UTS2B: variants seen among roughly 807,000 people sequenced by gnomAD.
The protein encoded by UTS2B is urotensin 2B, also known as urotensin-2B.
UTS2B carries 21 observed loss-of-function variants against 19.2 expected under a neutral mutation model. The ratio of observed to expected loss-of-function variants is 1.09; its 90% CI spans 0.78 to 1.58. The LOEUF (loss-of-function observed/expected upper bound fraction) is 1.58. Ranked by LOEUF, UTS2B falls within the 40% of genes most tolerant of loss-of-function variation. The pLI, the probability that UTS2B is intolerant of heterozygous loss-of-function variation, is 0.00. For missense variants in UTS2B, 138 were observed against 130.3 expected, an observed-to-expected ratio of 1.06 and a Z score of -0.29; for synonymous variants, 57 against 50.2, an observed-to-expected ratio of 1.14 and a Z score of -0.58.
At chr3:191,283,417 T>C (rs978846800) in intron 4 of UTS2B, among the ~76,000 whole-genome samples, 2 of 152,198 alleles carry the variant, frequency 1.3e-5, no homozygotes, top group African/African-American at 4.8e-5. Context: ...CTTTTGGATC[T>C]TTTTTCTACT....
intron 3 of UTS2B, among the ~76,000 whole-genome samples, chr3:191,306,892 A>T (rs1717155543): frequency 6.6e-6 from 1 of 152,156 alleles, no homozygotes; most frequent in Non-Finnish European, 1.5e-5. Context: ...TCAGCCTCCC[A>T]AAGTGCTGGG....
intron 4 of UTS2B, among the ~76,000 whole-genome samples, chr3:191,296,272 CACAT>C (rs1477134116): frequency 1.1e-5 from 1 of 94,828 alleles, no homozygotes; most frequent in Non-Finnish European, 2.5e-5. Context: ...CTCACACACA[CACAT>C]ACACACACAT....
Position 191,323,179 on chromosome 3 carries a change from C to T in UTS2B, c.-586+5452G>A, listed in dbSNP as rs758628693. 7.1e-4 allele frequency among the ~76,000 whole-genome samples: 82 copies of T among 114,838 alleles called. 1 individual carries two copies. The highest frequency in any genetic ancestry group is 1.6e-4 in the Non-Finnish European group (9 of 57,560). The allele number at this position is 114,838 out of a possible 152,430, so 75.3% of individuals were successfully genotyped here. On this transcript the variant is annotated intron_variant, in intron 2 of 8. Coordinates refer to ENST00000340524, the MANE Select transcript of UTS2B (RefSeq NM_198152.5). The stretch of plus-strand genomic sequence containing the variant: ...TTTATTTATTTTTGAGACAGACTCT[C>T]GCTGTCGCCCAGGCTAGAGTGCAGT...
chr3:191,298,832 A>G (rs1001997112), intron 4 of UTS2B, among the ~76,000 whole-genome samples: 2 of 152,236 alleles, frequency 1.3e-5, no homozygotes, highest in African/African-American at 4.8e-5. Context: ...TGATAATGAT[A>G]TCGACAGTGA....
At chr3:191,336,131 T>G in the UTS2B span, among the ~76,000 whole-genome samples, 1 of 151,402 alleles carries the variant, frequency 6.6e-6, no homozygotes, top group Non-Finnish European at 1.5e-5. Flanking sequence ...TGTGTACAAG[T>G]GTTTTTTTTT....
intron 4 of UTS2B, among the ~76,000 whole-genome samples, chr3:191,285,985 A>G (rs114824559): frequency 6.6e-6 from 1 of 152,182 alleles, no homozygotes; most frequent in Non-Finnish European, 1.5e-5. Context: ...AGTTAAGCTT[A>G]TATCAGATAA....
intron 3 of UTS2B, among the ~76,000 whole-genome samples, chr3:191,307,147 G>T (rs545474629): frequency 1.3e-5 from 2 of 152,186 alleles, no homozygotes; most frequent in Non-Finnish European, 2.9e-5. Context: ...TGAATGCCTA[G>T]ACAGGCTCTG....
At chr3:191,270,980 C>A (rs974117282) in intron 8 of UTS2B, among the ~76,000 whole-genome samples, 49 of 151,914 alleles carry the variant, frequency 3.2e-4, no homozygotes, top group African/African-American at 1.2e-3. Flanking sequence ...ACGAGGCTGG[C>A]AGACATGAGG....
At chr3:191,345,834 G>A in the UTS2B span, among the ~76,000 whole-genome samples, 31 of 152,184 alleles carry the variant, frequency 2.0e-4, no homozygotes, top group African/African-American at 7.2e-4. Flanking sequence ...ATTCTTCGCA[G>A]TGTGTTTGTT....
intron 2 of UTS2B, among the ~76,000 whole-genome samples, chr3:191,327,129 A>C (rs1481712646): frequency 1.3e-5 from 2 of 152,212 alleles, no homozygotes; most frequent in African/African-American, 4.8e-5. Flanking sequence ...AGGAAACAGG[A>C]GGTGCACTGT....
At position 191,270,722 on chromosome 3, in the gene UTS2B, CT is replaced by C. The variant is rs1716069165; in HGVS notation, c.335-2282del. Among the ~76,000 whole-genome samples the C allele has an allele frequency of 3.9e-5, 6 of 152,254 alleles. No individual in the cohort carries two copies. The South Asian group carries it at 1.2e-3, about 32-fold the overall frequency. On this transcript the variant is annotated intron_variant, in intron 8 of 8. Coordinates refer to ENST00000340524, the MANE Select transcript of UTS2B (RefSeq NM_198152.5). ...GGCAAGGCCATTAATGACCTTTCCT[CT>C]GCTGAATTCAACTGGAAGTTCTCAG...
chr3:191,321,363 A>C (rs1273867486), intron 2 of UTS2B, among the ~76,000 whole-genome samples: 1 of 152,248 alleles, frequency 6.6e-6, no homozygotes, highest in Non-Finnish European at 1.5e-5. Flanking sequence ...TCTTAGATTA[A>C]TAATAGGAAC....
At chr3:191,289,726 G>C (rs951903470) in intron 4 of UTS2B, among the ~76,000 whole-genome samples, 2 of 152,096 alleles carry the variant, frequency 1.3e-5, no homozygotes, top group Non-Finnish European at 1.5e-5. Flanking sequence ...CTTTTATGTG[G>C]AATCTAAGAA....
chr3:191,329,505 C>T (rs1717867542), intron 1 of UTS2B: 4 of 574,612 alleles, frequency 7.0e-6, no homozygotes, highest in Non-Finnish European at 1.2e-5. Context: ...TCTCCCGCTG[C>T]TTTGGTCACC....
chr3:191,297,417 T>C (rs750309615), intron 4 of UTS2B, among the ~76,000 whole-genome samples: 2 of 152,188 alleles, frequency 1.3e-5, no homozygotes, highest in Non-Finnish European at 1.5e-5. Flanking sequence ...TAGAAGATCT[T>C]TATACTTCAT....
chr3:191,300,338 G>A (rs1488866481), intron 4 of UTS2B, among the ~76,000 whole-genome samples: 8 of 152,142 alleles, frequency 5.3e-5, no homozygotes, highest in African/African-American at 1.2e-4. Context: ...GTGAGCCACC[G>A]TGCCTGGCCT....
At chr3:191,287,385 C>T (rs1277288246) in intron 4 of UTS2B, among the ~76,000 whole-genome samples, 5 of 152,014 alleles carry the variant, frequency 3.3e-5, no homozygotes, top group African/African-American at 9.7e-5. Context: ...ATCAACAACA[C>T]GTTAAAATGA....
chr3:191,283,535 T>TC (rs1040051028), intron 4 of UTS2B, among the ~76,000 whole-genome samples: 50 of 152,218 alleles, frequency 3.3e-4, no homozygotes, highest in African/African-American at 1.2e-3. Context: ...TATTTGCGAG[T>TC]CTGCCTCCAC....
At chr3:191,281,769 T>C (rs1233827657) in intron 5 of UTS2B, among the ~76,000 whole-genome samples, 1 of 151,724 alleles carries the variant, frequency 6.6e-6, no homozygotes, top group African/African-American at 2.4e-5. Flanking sequence ...TTACTATTTA[T>C]ACATTCCCAA....
Sources: allele counts gnomAD v4.1 joint callset (sites outside exome capture counted in the v4.1 genomes callset), GRCh38; gene constraint gnomAD v4.1.1; transcripts MANE v1.5; gene names NCBI Gene and HGNC (gene_info 2026-07-23, HGNC 2026-07-21).